Variants in USP37 observed in about 807,000 individuals in gnomAD.
USP37 encodes ubiquitin specific peptidase 37, also known as ubiquitin carboxyl-terminal hydrolase 37.
In USP37, 27 loss-of-function variants were observed where a neutral mutation model predicts 124.0. That is an observed-to-expected ratio of 0.22 (90% CI 0.16 to 0.30). USP37 has a LOEUF of 0.30. Among genes scored for constraint, USP37 ranks in the 10% least tolerant of loss-of-function variants. USP37 has a pLI of 1.00. For synonymous variants in USP37, 365 were observed against 388.0 expected (o/e 0.94, Z 0.70); for missense variants, 889 against 1,140.4 (o/e 0.78, Z 3.17).
At chr2:218,492,044 C>A (rs1353505043) in intron 14 of USP37, among the ~76,000 whole-genome samples, 2 of 151,636 alleles carry the variant, frequency 1.3e-5, no homozygotes, top group African/African-American at 2.4e-5. Flanking sequence ...TACAAAAAAT[C>A]AAAAAAATTA....
intron 16 of USP37, among the ~76,000 whole-genome samples, chr2:218,482,723 T>C (rs1365057217): frequency 1.3e-5 from 2 of 152,186 alleles, no homozygotes; most frequent in Non-Finnish European, 2.9e-5. Context: ...ACTTTCTCTG[T>C]AGAAAGCTAA....
intron 17 of USP37, among the ~76,000 whole-genome samples, chr2:218,480,812 G>A (rs544976548): frequency 7.2e-5 from 11 of 152,142 alleles, no homozygotes; most frequent in Non-Finnish European, 1.2e-4. Flanking sequence ...AAGAGTAATA[G>A]CTCTACCAGC....
chr2:218,476,036 A>C (rs1319575273), intron 19 of USP37, among the ~76,000 whole-genome samples: 4 of 152,174 alleles, frequency 2.6e-5, no homozygotes, highest in African/African-American at 7.2e-5. Flanking sequence ...TCTGGCTTTA[A>C]AGTAAGATAG....
chr2:218,546,078 G>T (rs1692304322), intron 8 of USP37, 143 bp downstream of exon 8: 2 of 670,870 alleles, frequency 3.0e-6, no homozygotes, highest in South Asian at 4.0e-5. Context: ...ACAGTCTACT[G>T]TCACCAAACT....
In USP37 at chr2:218,481,986, G is replaced by A. The variant is rs576586489; in HGVS notation, c.1835+84C>T. ...TGATTTTACCTTGGAGTCATATTAT[G>A]TAATTCAGTCATTCTTTTGATTAGA... On this transcript the variant is annotated intron_variant, in intron 17 of 25. Transcript: ENST00000258399. 2.0e-5 allele frequency: 29 copies of A among 1,433,548 alleles called. No homozygotes were observed. In the African/African-American group the frequency reaches 3.6e-4, roughly 18 times the overall value. The allele number at this position is 1,433,548 out of a possible 1,614,324, so 88.8% of individuals were successfully genotyped here. A position where few individuals can be genotyped will look rare whatever the true frequency, so the allele number is the denominator to read the frequency against.
intron 10 of USP37, among the ~76,000 whole-genome samples, chr2:218,514,779 T>G (rs1446870581): frequency 6.6e-6 from 1 of 152,250 alleles, no homozygotes; most frequent in Non-Finnish European, 1.5e-5. Context: ...AGGTAATATT[T>G]TATTCCTACA....
chr2:218,506,730 A>G (rs1689702493), intron 11 of USP37, among the ~76,000 whole-genome samples: 1 of 144,486 alleles, frequency 6.9e-6, no homozygotes, highest in South Asian at 2.2e-4. Context: ...TTTCTTCTCC[A>G]TCTTTTCTGA....
chr2:218,471,554 T>C (rs1015441326), intron 20 of USP37, among the ~76,000 whole-genome samples: 2 of 152,242 alleles, frequency 1.3e-5, no homozygotes, highest in African/African-American at 4.8e-5. Flanking sequence ...AACTTGTATA[T>C]TGAAATGCCT....
chr2:218,562,836 T>G (rs1267365703), intron 1 of USP37, 23 bp from the exon 2 acceptor site: 9 of 398,018 alleles, frequency 2.3e-5, no homozygotes, highest in Admixed American at 1.3e-4. Flanking sequence ...AAAATGTGCT[T>G]TTTAAAAAGA....
intron 22 of USP37, among the ~76,000 whole-genome samples, 186 bp from the exon 23 acceptor site, chr2:218,460,091 C>CAAAAAAAA (rs55945023): frequency 8.5e-6 from 1 of 118,060 alleles, no homozygotes; most frequent in African/African-American, 3.3e-5. Context: ...ACTAAAAATA[C>CAAAAAAAA]AAAAAAAAAA....
intron 20 of USP37, among the ~76,000 whole-genome samples, chr2:218,470,202 A>G (rs1417751333): frequency 6.6e-6 from 1 of 152,124 alleles, no homozygotes; most frequent in Non-Finnish European, 1.5e-5. Flanking sequence ...CTGATATTCT[A>G]TATTTCAGTG....
chr2:218,477,519 C>G (rs906746798), intron 18 of USP37, among the ~76,000 whole-genome samples: 1 of 152,096 alleles, frequency 6.6e-6, no homozygotes, highest in Non-Finnish European at 1.5e-5. Context: ...TTAGAGGGAC[C>G]CTTTCTTTCC....
At chr2:218,558,732 T>C (rs1038804333) in intron 3 of USP37, 55 bp from the exon 4 acceptor site, 2 of 1,312,702 alleles carry the variant, frequency 1.5e-6, no homozygotes, top group Non-Finnish European at 2.1e-6. Context: ...GGAAGAAAAA[T>C]AAGATAAGTT....
intron 14 of USP37, among the ~76,000 whole-genome samples, chr2:218,489,357 C>CA (rs35890265): frequency 4.9e-4 from 61 of 123,576 alleles, no homozygotes; most frequent in African/African-American, 5.1e-4. Context: ...GACTCTGTCT[C>CA]AAAAAAAAAA....
In USP37 at chr2:218,495,875, T is replaced by A. The variant is rs754257704; in HGVS notation, c.1357A>T (p.Thr453Ser). The A allele has an allele frequency of 4.3e-6, 7 of 1,613,844 alleles. No individual in the cohort carries two copies. In the Admixed American group the frequency reaches 1.2e-4, roughly 27 times the overall value. Residue 453 changes from threonine to serine, a missense_variant, in exon 14 of 26, where the codon ACT (threonine) becomes TCT (serine). Around this residue, in one of 3 missense-constraint regions of USP37, gnomAD observed 504 missense variants for 714.3 expected, o/e 0.71. Coordinates refer to ENST00000258399, the MANE Select transcript of USP37 (RefSeq NM_020935.3). ...TTTTCTTCTCCAGAAACAGGTTCAG[T>A]CTTCCAAGTTTTATTTAATTTTTCC... ...DMEKLNKTWK[T>S]EPVSGEENSP... is the part of the protein sequence containing the mutation.
chr2:218,481,683 C>CTTTT (rs71403043), intron 17 of USP37, among the ~76,000 whole-genome samples: 1 of 134,472 alleles, frequency 7.4e-6, no homozygotes, highest in Non-Finnish European at 1.6e-5. Context: ...CTTTTCTTTT[C>CTTTT]TTTTTTTTTT....
chr2:218,548,591 C>A (rs1271920358), intron 6 of USP37, among the ~76,000 whole-genome samples: 4 of 152,144 alleles, frequency 2.6e-5, no homozygotes, highest in African/African-American at 9.7e-5. Flanking sequence ...AATCTGCCCA[C>A]CTCAGCCTCC....
chr2:218,474,204 C>T lies in USP37; in HGVS notation c.2299+426G>A, dbSNP rs1690843841. 2.0e-5 allele frequency among the ~76,000 whole-genome samples: 3 copies of T among 152,142 alleles called. No homozygotes were observed. The South Asian group carries it at 6.2e-4, about 32-fold the overall frequency. The stretch of plus-strand genomic sequence containing the variant: ...CATATATTAAATGCACATAAGAAGG[C>T]TAGTTTTACTAGTGATGTATACCTA... On this transcript the variant is annotated intron_variant, in intron 20 of 25. Coordinates refer to ENST00000258399, the MANE Select transcript of USP37 (RefSeq NM_020935.3).
chr2:218,463,485 G>T, intron 21 of USP37, 119 bp from the exon 22 acceptor site: 1 of 757,054 alleles, frequency 1.3e-6, no homozygotes, highest in Non-Finnish European at 2.2e-6. Context: ...TAACCTTATG[G>T]ATGTTTGGAA....
Sources: allele counts gnomAD v4.1 joint callset (sites outside exome capture counted in the v4.1 genomes callset), GRCh38; gene constraint gnomAD v4.1.1; regional missense constraint gnomAD v4.1.1; transcripts MANE v1.5; gene names NCBI Gene and HGNC (gene_info 2026-07-23, HGNC 2026-07-21).